WNT7B: variants seen among roughly 807,000 people sequenced by gnomAD.
WNT7B encodes the protein Wnt family member 7B.
WNT7B carries 19 observed loss-of-function variants against 38.2 expected under a neutral mutation model. The ratio of observed to expected loss-of-function variants is 0.50; its 90% confidence interval spans 0.35 to 0.73. The LOEUF (loss-of-function observed/expected upper bound fraction) is 0.73, where lower values mean the gene tolerates loss of function less well. WNT7B is among the 30% of genes least tolerant of loss of function. The probability of loss-of-function intolerance (pLI) is 0.01; values close to 1 mark genes in which losing one functional copy is unlikely to be tolerated. For synonymous variants in WNT7B, 243 were observed against 209.3 expected, an observed-to-expected ratio of 1.16 and a Z score of -1.39; for missense variants, 423 against 507.9, an observed-to-expected ratio of 0.83 and a Z score of 1.61.
chr22:45,938,355 G>A (rs1460979383), intron 2 of WNT7B, among the ~76,000 whole-genome samples: 1 of 152,126 alleles, frequency 6.6e-6, no homozygotes, highest in Non-Finnish European at 1.5e-5. Flanking sequence ...GTACAAAGAT[G>A]GCTGGGTGCT....
chr22:45,933,768 T>C (rs965582035), intron 2 of WNT7B, among the ~76,000 whole-genome samples: 1 of 152,130 alleles, frequency 6.6e-6, no homozygotes, highest in African/African-American at 2.4e-5. Context: ...GTGGTGTATG[T>C]GTGGCTGTGA....
chr22:45,959,965 G>T (rs1231499596), intron 1 of WNT7B, among the ~76,000 whole-genome samples: 2 of 152,144 alleles, frequency 1.3e-5, no homozygotes, highest in Non-Finnish European at 2.9e-5. Context: ...GGGGCCATCT[G>T]CCCTCCCCCG....
rs1197355086 is a variant in WNT7B, at chr22:45,976,585, G to GCC, written c.71+97_71+98dup. The GCC allele has an allele frequency of 7.7e-7, 1 of 1,304,956 alleles. No individual in the cohort carries two copies. The highest frequency in any genetic ancestry group is 1.5e-5 in the African/African-American group (1 of 67,468). 80.8% of individuals were successfully genotyped at this position (1,304,956 alleles called of 1,614,324 possible). A position where few individuals can be genotyped will look rare whatever the true frequency, so the allele number is the denominator to read the frequency against. On this transcript the variant is annotated intron_variant, in intron 1 of 3. Coordinates refer to ENST00000339464, the MANE Select transcript of WNT7B (RefSeq NM_058238.3). The surrounding 1 kb of genome is among the most constrained non-coding windows in gnomAD (Gnocchi z 8.5). ...CCCCGGAGCCCAGAGAGCTGCAGTG[G>GCC]CCCCCTCCAGTCCCCACGTCCCCAC...
In WNT7B at chr22:45,949,994, T is replaced by A; in HGVS notation, c.224A>T (p.Tyr75Phe). The A allele has an allele frequency of 6.2e-7, 1 of 1,613,956 alleles. No individual in the cohort carries two copies. The highest frequency in any genetic ancestry group is 1.3e-5 in the African/African-American group (1 of 75,070). The part of the protein sequence containing the change: ...GAQMGINECQ[Y>F]QFRFGRWNCS... Reference sequence around the variant, plus strand: ...GTTCCAGCGTCCGAAGCGGAACTGGTACTGGCACTCGTTGATGCCCATCTG... The same window carrying A: ...GTTCCAGCGTCCGAAGCGGAACTGGAACTGGCACTCGTTGATGCCCATCTG... Residue 75 changes from tyrosine to phenylalanine, a missense_variant, in exon 2 of 4, where the codon TAC becomes TTC. Transcript: ENST00000339464.
rs746865410 is a variant in WNT7B at position 45,950,005 on chromosome 22, G to A, written c.213C>T (p.Asn71=). 49 of 1,613,868 alleles carry A rather than the reference G, an allele frequency of 3.0e-5. No homozygotes were observed. The highest frequency in any genetic ancestry group is 1.7e-4 in the African/African-American group (13 of 74,946). Residue 71 remains asparagine, a synonymous_variant, in exon 2 of 4, where the codon AAC becomes AAT. Transcript: ENST00000339464. ...VIGEGAQMGI[N]ECQYQFRFGR... is the part of the protein sequence containing the mutation. ...CGAAGCGGAACTGGTACTGGCACTC[G>A]TTGATGCCCATCTGCGCCCCCTCCC...
At position 45,947,402 on chromosome 22, in the gene WNT7B, C is replaced by G. The variant is rs574344572; in HGVS notation, c.298+2518G>C. ...AGCAGACCATGCTGCAGCCATAGGG[C>G]AGAGCCCTGAGGTGTATGGGGAAAT... On this transcript the variant is annotated intron_variant, in intron 2 of 3. Transcript: ENST00000339464. Among the ~76,000 whole-genome samples the G allele has an allele frequency of 6.6e-5, 10 of 152,328 alleles. 1 individual carries two copies. In the South Asian group the frequency reaches 2.1e-3, roughly 32 times the overall value.
In WNT7B at chr22:45,922,201, C is replaced by T. The variant is rs989785179; in HGVS notation, c.*655G>A. On this transcript the variant is annotated 3_prime_UTR_variant, in exon 4 of 4. Coordinates refer to ENST00000339464, the MANE Select transcript of WNT7B (RefSeq NM_058238.3). The stretch of plus-strand genomic sequence containing the variant: ...GGACCTGCAGGCACCGCGTGGTCCC[C>T]ATCAACCCCAGGCTGCCTCAGCTCT... 3.9e-5 allele frequency: 6 copies of T among 152,792 alleles called. No homozygotes were observed. Among genetic ancestry groups the T allele is most frequent in the African/African-American group, 1.4e-4 (6 of 41,474 alleles). The allele number at this position is 152,792 out of a possible 1,614,324, so 9.5% of individuals were successfully genotyped here. A position where few individuals can be genotyped will look rare whatever the true frequency, so the allele number is the denominator to read the frequency against.
chr22:45,969,221 G>A (rs1280639536), intron 1 of WNT7B, among the ~76,000 whole-genome samples: 1 of 152,238 alleles, frequency 6.6e-6, no homozygotes, highest in Admixed American at 6.5e-5. Flanking sequence ...CCCTGCCACA[G>A]CCAGGTGGTC....
chr22:45,950,092 A>C lies in WNT7B; in HGVS notation c.126T>G (p.Pro42=). ...TGGCACGCTGCCGCGGGGCTAGGCC[A>C]GGAATCTTGTTGCAGATGATGTTGG... The part of the protein sequence containing the change: ...LGANIICNKI[P]GLAPRQRAIC... Residue 42 remains proline (P), a synonymous_variant, in exon 2 of 4, where the codon CCT becomes CCG. Coordinates refer to ENST00000339464, the MANE Select transcript of WNT7B (RefSeq NM_058238.3). 1 of 1,614,044 alleles carries C rather than the reference A, an allele frequency of 6.2e-7. No homozygotes were observed. Among genetic ancestry groups the C allele is most frequent in the Non-Finnish European group, 8.5e-7 (1 of 1,180,040 alleles).
chr22:45,975,506 G>A lies in WNT7B; in HGVS notation c.71+1178C>T, dbSNP rs1181570833. On this transcript the variant is annotated intron_variant, in intron 1 of 3. Transcript: ENST00000339464. The surrounding 1 kb of genome is among the most constrained non-coding windows in gnomAD (Gnocchi z 6.6). ...TTCCAGTCCTGCCTCTGAAGCCACTGGCTTTGTCTCTGCAGGCCTTGGGCC... is the reference window on the plus strand; with the variant it reads ...TTCCAGTCCTGCCTCTGAAGCCACTAGCTTTGTCTCTGCAGGCCTTGGGCC... 2 of 715,686 alleles carry A rather than the reference G, an allele frequency of 2.8e-6. No individual in the cohort carries two copies. The highest frequency in any genetic ancestry group is 2.6e-6 in the Non-Finnish European group (1 of 383,984). 44.3% of individuals were successfully genotyped at this position (715,686 alleles called of 1,614,324 possible).
intron 1 of WNT7B, among the ~76,000 whole-genome samples, chr22:45,955,959 G>A (rs115204025): frequency 1.7e-4 from 26 of 152,276 alleles, no homozygotes; most frequent in Middle Eastern, 3.4e-3. Flanking sequence ...GTAGCGGGAC[G>A]ACCTTGGTCT....
intron 3 of WNT7B, among the ~76,000 whole-genome samples, chr22:45,929,815 TC>T (rs1931262218): frequency 6.7e-6 from 1 of 149,732 alleles, no homozygotes; most frequent in Admixed American, 6.6e-5. Flanking sequence ...TACCCATCCA[TC>T]TATCTTCCCA....
At chr22:45,955,009 T>C (rs1753102421) in intron 1 of WNT7B, among the ~76,000 whole-genome samples, 1 of 152,258 alleles carries the variant, frequency 6.6e-6, no homozygotes, top group Non-Finnish European at 1.5e-5. Context: ...ACATAGTAAG[T>C]GTGGGACACA....
At chr22:45,956,881 G>A (rs1041835481) in intron 1 of WNT7B, among the ~76,000 whole-genome samples, 1 of 152,176 alleles carries the variant, frequency 6.6e-6, no homozygotes, top group South Asian at 2.1e-4. Context: ...GCTGAGATGG[G>A]TGGATCATGA....
intron 3 of WNT7B, chr22:45,926,422 G>T: frequency 1.0e-6 from 1 of 985,402 alleles, no homozygotes; most frequent in Non-Finnish European, 1.2e-6. Flanking sequence ...GGGGGCTCCA[G>T]GAAAGGGCCA....
chr22:45,936,283 T>A, intron 2 of WNT7B: 1 of 659,196 alleles, frequency 1.5e-6, no homozygotes, highest in Non-Finnish European at 1.9e-6. Flanking sequence ...CTGCCAGCTC[T>A]GAGAGCAAAC....
In WNT7B at chr22:45,975,563, G is replaced by C; in HGVS notation, c.71+1121C>G. The C allele has an allele frequency of 1.4e-6, 1 of 717,184 alleles. No homozygotes were observed. The highest frequency in any genetic ancestry group is 2.3e-4 in the Middle Eastern group (1 of 4,364). The allele number at this position is 717,184 out of a possible 1,614,324, so 44.4% of individuals were successfully genotyped here. A position where few individuals can be genotyped will look rare whatever the true frequency, so the allele number is the denominator to read the frequency against. On this transcript the variant is annotated intron_variant, in intron 1 of 3. Transcript: ENST00000339464. The surrounding 1 kb of genome is among the most constrained non-coding windows in gnomAD (Gnocchi z 6.6). ...TCTCCACCTGTAAAATGGCGGGGCAGACATGGGATGGAGGGTGATGGAGAG... is the reference window on the plus strand; with the variant it reads ...TCTCCACCTGTAAAATGGCGGGGCACACATGGGATGGAGGGTGATGGAGAG...
rs190466504 is a variant in WNT7B, at chr22:45,965,240, C to T, written c.71+11444G>A. 6.6e-5 allele frequency among the ~76,000 whole-genome samples: 10 copies of T among 152,334 alleles called. No homozygotes were observed. In the East Asian group the frequency reaches 1.9e-3, roughly 29 times the overall value. Reference sequence around the variant, plus strand: ...GGTCCTTCAGGGCCGAGGTCAGAGGCTGCCTTACTTGAGAGGTCTTCCCTG... The same window carrying T: ...GGTCCTTCAGGGCCGAGGTCAGAGGTTGCCTTACTTGAGAGGTCTTCCCTG... On this transcript the variant is annotated intron_variant, in intron 1 of 3. Coordinates refer to ENST00000339464, the MANE Select transcript of WNT7B (RefSeq NM_058238.3). The surrounding 1 kb of genome is among the most constrained non-coding windows in gnomAD (Gnocchi z 6.5).
intron 3 of WNT7B, among the ~76,000 whole-genome samples, chr22:45,929,169 T>C: frequency 6.6e-6 from 1 of 152,158 alleles, no homozygotes; most frequent in East Asian, 1.9e-4. Context: ...TTCTCCTCTT[T>C]CTCCTCCTCC....
Sources: allele counts gnomAD v4.1 joint callset (sites outside exome capture counted in the v4.1 genomes callset), GRCh38; gene constraint gnomAD v4.1.1; non-coding constraint Gnocchi (gnomAD v3.1); transcripts MANE v1.5; gene names NCBI Gene and HGNC (gene_info 2026-07-23, HGNC 2026-07-21).